The following LAMA3 variants were observed in gnomAD, a reference collection of about 807,000 sequenced individuals.
LAMA3 encodes laminin subunit alpha-3.
In LAMA3, 281 loss-of-function variants were observed where a neutral mutation model predicts 402.0. That is an observed-to-expected ratio of 0.70 (90% CI 0.63 to 0.77). The LOEUF is 0.77. LAMA3 is among the 30% of genes least tolerant of loss of function. LAMA3 has a pLI of 0.00. For missense variants in LAMA3, 3,840 were observed against 4,215.5 expected, an observed-to-expected ratio of 0.91 and a Z score of 2.47; for synonymous variants, 1,431 against 1,558.4, an observed-to-expected ratio of 0.92 and a Z score of 1.93.
chr18:23,720,556 A>G (rs2061192496), intron 2 of LAMA3, among the ~76,000 whole-genome samples: 1 of 152,070 alleles, frequency 6.6e-6, no homozygotes. Context: ...GGGTTTCACC[A>G]TGTTGATCAG....
rs1290382357 is a variant in LAMA3 at position 23,816,377 on chromosome 18, C to T, written c.2048-11C>T. On this transcript the variant is annotated splice_polypyrimidine_tract_variant and intron_variant, in intron 17 of 74. Transcript: ENST00000313654. ...TTTAAGGTATAACTGCTGCTGTTTC[C>T]TGGCTTTCAGGGTGTCAGTGTGACA... 1 of 1,612,624 alleles carries T rather than the reference C, an allele frequency of 6.2e-7. No homozygotes were observed. Among genetic ancestry groups the T allele is most frequent in the Admixed American group, 1.7e-5 (1 of 60,018 alleles).
At chr18:23,822,056 T>C (rs2063295032) in intron 19 of LAMA3, among the ~76,000 whole-genome samples, 196 bp from the exon 20 acceptor site, 1 of 152,216 alleles carries the variant, frequency 6.6e-6, no homozygotes, top group Non-Finnish European at 1.5e-5. Flanking sequence ...GTGATTTTAA[T>C]TCATTGTTAG....
At chr18:23,855,530 T>C (rs985573707) in intron 32 of LAMA3, among the ~76,000 whole-genome samples, 4 of 152,218 alleles carry the variant, frequency 2.6e-5, no homozygotes, top group African/African-American at 9.6e-5. Flanking sequence ...GACTGCCTGA[T>C]TACATTTAGT....
At chr18:23,951,580 C>A in intron 72 of LAMA3, 104 bp from the exon 73 acceptor site, 1 of 805,734 alleles carries the variant, frequency 1.2e-6, no homozygotes, top group African/African-American at 1.7e-5. Flanking sequence ...ATCTAATGTG[C>A]CCTTAAGCTG....
At chr18:23,752,469 G>A (rs1373217588) in intron 5 of LAMA3, among the ~76,000 whole-genome samples, 2 of 152,184 alleles carry the variant, frequency 1.3e-5, no homozygotes, top group East Asian at 3.8e-4. Context: ...AACCCCCCAA[G>A]TTTAGGTTGC....
intron 8 of LAMA3, among the ~76,000 whole-genome samples, chr18:23,767,870 G>A (rs1021803273): frequency 2.0e-5 from 3 of 152,036 alleles, no homozygotes; most frequent in African/African-American, 7.2e-5. Context: ...ACCGTGCCTG[G>A]CAAGGAAAGG....
At chr18:23,853,955 G>C (rs2144681347) in intron 32 of LAMA3, among the ~76,000 whole-genome samples, 1 of 152,306 alleles carries the variant, frequency 6.6e-6, no homozygotes, top group East Asian at 1.9e-4. Context: ...TCTTTGCACA[G>C]GATGCATAAC....
At chr18:23,900,085 G>GTT (rs1555730713) in intron 47 of LAMA3, among the ~76,000 whole-genome samples, 2 of 151,778 alleles carry the variant, frequency 1.3e-5, no homozygotes, top group African/African-American at 4.8e-5. Context: ...GTGTGTGTGT[G>GTT]TATGTGACAG....
At chr18:23,797,189 A>G (rs1055257023) in intron 12 of LAMA3, among the ~76,000 whole-genome samples, 5 of 152,110 alleles carry the variant, frequency 3.3e-5, no homozygotes, top group Non-Finnish European at 5.9e-5. Context: ...GGTTTGAACC[A>G]TTCTGGTAAG....
rs371277654 is a variant in LAMA3, at chr18:23,766,061, T to G, written c.1182+2538T>G. Among the ~76,000 whole-genome samples, 359 of 152,176 alleles carry G rather than the reference T, an allele frequency of 2.4e-3. 1 individual carries two copies. The highest frequency in any genetic ancestry group is 8.4e-3 in the African/African-American group (348 of 41,520). ...AGAAAAAAAAGTGAAGAAATAATAG[T>G]AGGAAATACCTCAAATTTTGCAATA... On this transcript the variant is annotated intron_variant, in intron 8 of 74. Coordinates refer to ENST00000313654, the MANE Select transcript of LAMA3 (RefSeq NM_198129.4).
chr18:23,776,097 T>C lies in LAMA3; in HGVS notation c.1405+174T>C, dbSNP rs538254673. Among the ~76,000 whole-genome samples, 141 of 152,338 alleles carry C rather than the reference T, an allele frequency of 9.3e-4. 1 individual carries two copies. Among genetic ancestry groups the C allele is most frequent in the Non-Finnish European group, 1.4e-3 (95 of 68,034 alleles). On this transcript the variant is annotated intron_variant, in intron 10 of 74. Transcript: ENST00000313654. Reference sequence around the variant, plus strand: ...GTTTGGAATATAAATTTTATATTGGTACATTTTACAGTCTTATTTATCTCC... The same window carrying C: ...GTTTGGAATATAAATTTTATATTGGCACATTTTACAGTCTTATTTATCTCC...
At chr18:23,824,367 A>G in intron 20 of LAMA3, 56 bp from the exon 21 acceptor site, 1 of 1,588,170 alleles carries the variant, frequency 6.3e-7, no homozygotes, top group South Asian at 1.1e-5. Context: ...AATATCTAAA[A>G]TCATAACACT....
In LAMA3 at chr18:23,944,053, C is replaced by T. The variant is rs534337669; in HGVS notation, c.9210+82C>T. ...CGCTGAAAATAGGAGTCCCAGCATC[C>T]TTCCCAGACATGAGGGCGTGGAGTG... On this transcript the variant is annotated intron_variant, in intron 69 of 74. Coordinates refer to ENST00000313654, the MANE Select transcript of LAMA3 (RefSeq NM_198129.4). 587 of 1,362,526 alleles carry T rather than the reference C, an allele frequency of 4.3e-4. 9 individuals carry two copies. Among genetic ancestry groups the T allele is most frequent in the South Asian group, 3.6e-3 (295 of 81,084 alleles). The allele number at this position is 1,362,526 out of a possible 1,614,324, so 84.4% of individuals were successfully genotyped here. A position where few individuals can be genotyped will look rare whatever the true frequency, so the allele number is the denominator to read the frequency against.
chr18:23,864,974 A>G, intron 36 of LAMA3, 91 bp downstream of exon 36: 1 of 817,654 alleles, frequency 1.2e-6, no homozygotes, highest in Non-Finnish European at 2.1e-6. Flanking sequence ...GTGGCCTACA[A>G]AAAGTTTAGA....
intron 35 of LAMA3, among the ~76,000 whole-genome samples, chr18:23,864,583 G>A (rs2064306119): frequency 6.6e-6 from 1 of 151,968 alleles, no homozygotes. Context: ...TCATGTTCAT[G>A]CTAAACATTT....
chr18:23,809,916 G>C (rs954906588), intron 12 of LAMA3, among the ~76,000 whole-genome samples: 2 of 152,018 alleles, frequency 1.3e-5, no homozygotes, highest in Non-Finnish European at 2.9e-5. Context: ...GAATTAAAGT[G>C]GCCCTCCAGT....
chr18:23,779,444 A>ATCGG (rs2062391537), intron 11 of LAMA3, among the ~76,000 whole-genome samples: 1 of 151,982 alleles, frequency 6.6e-6, no homozygotes, highest in African/African-American at 2.4e-5. Flanking sequence ...GGATTTGCTG[A>ATCGG]GGGATTGCTA....
chr18:23,794,243 A>C (rs2062719912), intron 12 of LAMA3, among the ~76,000 whole-genome samples: 1 of 152,122 alleles, frequency 6.6e-6, no homozygotes, highest in African/African-American at 2.4e-5. Context: ...AAGGTGGGGG[A>C]AGATTAGAGT....
intron 62 of LAMA3, among the ~76,000 whole-genome samples, chr18:23,927,240 G>A (rs1196712853): frequency 6.6e-6 from 1 of 152,162 alleles, no homozygotes; most frequent in East Asian, 1.9e-4. Flanking sequence ...CACGATCTCA[G>A]CTCACTGCAA....
Sources: allele counts gnomAD v4.1 joint callset (sites outside exome capture counted in the v4.1 genomes callset), GRCh38; gene constraint gnomAD v4.1.1; transcripts MANE v1.5; gene names NCBI Gene and HGNC (gene_info 2026-07-23, HGNC 2026-07-21).